The following HDAC9 variants were observed in gnomAD, a reference collection of about 807,000 sequenced individuals.
The protein encoded by HDAC9 is MEF-2 interacting transcription repressor (MITR) protein.
A neutral mutation model predicts 139.4 loss-of-function variants in HDAC9; 41 were observed. That is an observed-to-expected ratio of 0.29 (90% CI 0.23 to 0.38). HDAC9 has a LOEUF of 0.38. Among genes scored for constraint, HDAC9 ranks in the 10% least tolerant of loss-of-function variants. HDAC9 has a pLI of 1.00. For synonymous variants in HDAC9, 517 were observed against 476.2 expected (o/e 1.09, Z -1.12); for missense variants, 1,147 against 1,297.0 (o/e 0.88, Z 1.78).
chr7:18,743,909 A>AT (rs1225556429), intron 13 of HDAC9, among the ~76,000 whole-genome samples: 18 of 151,408 alleles, frequency 1.2e-4, no homozygotes, highest in African/African-American at 4.4e-4. Flanking sequence ...CTTTAAAAAA[A>AT]TTTTTGTGTT....
chr7:18,352,734 C>T (rs145728241), intron 1 of HDAC9, among the ~76,000 whole-genome samples: 8 of 152,110 alleles, frequency 5.3e-5, no homozygotes, highest in South Asian at 4.2e-4. Context: ...TAGTGAATCT[C>T]GGTGTGCAAA....
rs116312530 is a variant in HDAC9 at position 18,835,325 on chromosome 7, G to T, written c.2467-142G>T. On this transcript the variant is annotated intron_variant, in intron 19 of 25. Transcript: ENST00000686413. The stretch of plus-strand genomic sequence containing the variant: ...GGTGGTGTGGAAGCAGGCTGAAAGG[G>T]AGAAAGAAAAGAGGAACGTAGTGAG... 4.3e-6 allele frequency: 4 copies of T among 922,148 alleles called. No individual in the cohort carries two copies. In the East Asian group the frequency reaches 1.1e-4, roughly 25 times the overall value. 57.1% of individuals were successfully genotyped at this position (922,148 alleles called of 1,614,324 possible).
chr7:18,111,506 A>G (rs1381620068), intron 1 of HDAC9, among the ~76,000 whole-genome samples: 1 of 152,192 alleles, frequency 6.6e-6, no homozygotes, highest in Non-Finnish European at 1.5e-5. Flanking sequence ...TTGGATACCA[A>G]TATCAGTGGA....
rs1786484898 is a variant in HDAC9 at position 18,996,710 on chromosome 7, C to A, written c.*648C>A. 6.6e-6 allele frequency: 1 copy of A among 152,278 alleles called. No individual in the cohort carries two copies. The highest frequency in any genetic ancestry group is 1.9e-4 in the East Asian group (1 of 5,176). 9.4% of individuals were successfully genotyped at this position (152,278 alleles called of 1,614,324 possible). On this transcript the variant is annotated 3_prime_UTR_variant, in exon 26 of 26. Coordinates refer to ENST00000686413, the MANE Select transcript of HDAC9 (RefSeq NM_178425.4). ...TCTCGAAGTCCAAATGCCAAAGGAA[C>A]CTCACACACTGTTTGTAATGGTGCA...
At chr7:18,103,995 A>G (rs1783024130) in intron 1 of HDAC9, among the ~76,000 whole-genome samples, 3 of 152,158 alleles carry the variant, frequency 2.0e-5, no homozygotes, top group African/African-American at 7.2e-5. Context: ...CATCTCAGGG[A>G]ACACTCATAC....
intron 12 of HDAC9, among the ~76,000 whole-genome samples, chr7:18,699,476 C>G (rs1249851454): frequency 1.3e-5 from 2 of 151,988 alleles, no homozygotes; most frequent in Non-Finnish European, 2.9e-5. Flanking sequence ...AATCAGAATT[C>G]CTTAGTGCAA....
chr7:18,745,760 T>A lies in HDAC9; in HGVS notation c.1910-3245T>A, dbSNP rs188754209. The stretch of plus-strand genomic sequence containing the variant: ...ACGGGGTTTCACCTTGTTAGCCAGG[T>A]TGGTCTCGATCTGCTGACCTCATGA... On this transcript the variant is annotated intron_variant, in intron 13 of 25. Coordinates refer to ENST00000686413, the MANE Select transcript of HDAC9 (RefSeq NM_178425.4). 4.1e-3 allele frequency among the ~76,000 whole-genome samples: 624 copies of A among 151,758 alleles called. 3 individuals carry two copies. Among genetic ancestry groups the A allele is most frequent in the African/African-American group, 0.014 (570 of 41,432 alleles).
At chr7:18,111,849 G>A (rs1243554360) in intron 1 of HDAC9, among the ~76,000 whole-genome samples, 2 of 152,206 alleles carry the variant, frequency 1.3e-5, no homozygotes, top group Non-Finnish European at 2.9e-5. Context: ...CTTTGAAACT[G>A]CAGTTCCATG....
At chr7:18,234,639 C>T (rs1793695162) in intron 2 of HDAC9, among the ~76,000 whole-genome samples, 2 of 152,196 alleles carry the variant, frequency 1.3e-5, no homozygotes, top group Non-Finnish European at 2.9e-5. Context: ...GAAACCAAGT[C>T]TGTGTACTCC....
chr7:18,801,013 A>C (rs1166154421), intron 17 of HDAC9, among the ~76,000 whole-genome samples: 1 of 152,148 alleles, frequency 6.6e-6, no homozygotes, highest in Non-Finnish European at 1.5e-5. Context: ...AAAACTAGTA[A>C]CAATTTATAA....
rs569007118 is a variant in HDAC9, at chr7:18,454,419, T to C, written c.-41-41843T>C. Among the ~76,000 whole-genome samples, 26 of 152,166 alleles carry C rather than the reference T, an allele frequency of 1.7e-4. No individual in the cohort carries two copies. The South Asian group carries it at 5.2e-3, about 30-fold the overall frequency. ...TAATATAAATAGGTCAAGTACTGTCTTCACTTCCTATGTAAGGCTACTGTG... is the reference window on the plus strand; with the variant it reads ...TAATATAAATAGGTCAAGTACTGTCCTCACTTCCTATGTAAGGCTACTGTG... On this transcript the variant is annotated intron_variant, in intron 1 of 3. Transcript: ENST00000413509.
At chr7:18,308,928 A>G (rs1329872118) in intron 1 of HDAC9, among the ~76,000 whole-genome samples, 4 of 152,302 alleles carry the variant, frequency 2.6e-5, no homozygotes, top group African/African-American at 9.6e-5. Context: ...TAGATGTAGA[A>G]ACAGGTCCAG....
upstream of HDAC9, chr7:18,290,302 G>A (rs1797723273): frequency 2.8e-6 from 1 of 357,860 alleles, no homozygotes; most frequent in South Asian, 2.2e-5. Context: ...TCGTTCAGTA[G>A]CAGGGCAATG....
At chr7:18,238,592 A>T (rs1793980707) in intron 2 of HDAC9, among the ~76,000 whole-genome samples, 1 of 152,222 alleles carries the variant, frequency 6.6e-6, no homozygotes, top group Non-Finnish European at 1.5e-5. Flanking sequence ...CATTGCTATA[A>T]GGCGTTAGTA....
chr7:18,857,989 A>G (rs143595064), intron 21 of HDAC9, among the ~76,000 whole-genome samples: 33 of 152,304 alleles, frequency 2.2e-4, no homozygotes, highest in African/African-American at 7.7e-4. Context: ...TATTTGGTCT[A>G]AAACAAATAC....
chr7:18,951,283 A>T (rs1782776651), intron 23 of HDAC9, among the ~76,000 whole-genome samples: 1 of 152,004 alleles, frequency 6.6e-6, no homozygotes. Context: ...GAATCATGCC[A>T]ATACATTATC....
chr7:18,192,315 A>C (rs985720733), intron 2 of HDAC9, among the ~76,000 whole-genome samples: 10 of 152,188 alleles, frequency 6.6e-5, no homozygotes, highest in African/African-American at 2.4e-4. Context: ...CTGCTGCGTA[A>C]TATCATTCTG....
chr7:18,150,624 C>T (rs906075095), intron 1 of HDAC9, among the ~76,000 whole-genome samples: 1 of 152,090 alleles, frequency 6.6e-6, no homozygotes, highest in African/African-American at 2.4e-5. Context: ...GAGCCAGGTC[C>T]CAAAAGGGAC....
rs190508212 is a variant in HDAC9, at chr7:18,554,497, G to A, written c.23-30784G>A. On this transcript the variant is annotated intron_variant, in intron 2 of 25. Coordinates refer to ENST00000686413, the MANE Select transcript of HDAC9 (RefSeq NM_178425.4). ...ACTACAGGCGCCCGCCACCACGCCCGGCTAATTTTTTGTATTTTTGGTAGA... is the reference window on the plus strand; with the variant it reads ...ACTACAGGCGCCCGCCACCACGCCCAGCTAATTTTTTGTATTTTTGGTAGA... Among the ~76,000 whole-genome samples the A allele has an allele frequency of 4.4e-3, 675 of 151,972 alleles. 6 individuals are homozygous for A. The highest frequency in any genetic ancestry group is 0.015 in the African/African-American group (631 of 41,460).
Sources: gnomAD v4.1 joint callset for allele counts (sites outside exome capture counted in the v4.1 genomes callset) on GRCh38, gnomAD v4.1.1 for gene constraint, MANE v1.5 for transcripts, NCBI Gene and HGNC (gene_info 2026-07-23, HGNC 2026-07-21) for gene names.